DPP6: variants seen among roughly 807,000 people sequenced by gnomAD.
DPP6 encodes the protein A-type potassium channel modulatory protein DPP6.
Under a neutral mutation model 122.6 loss-of-function variants are expected in DPP6, and 69 were observed. The observed-to-expected ratio is 0.56, with a 90% CI of 0.46 to 0.69. The LOEUF (loss-of-function observed/expected upper bound fraction) is 0.69. Ranked by LOEUF, DPP6 falls within the 30% of genes least tolerant of loss-of-function variation. DPP6 has a pLI of 0.00. For missense variants in DPP6, 928 were observed against 1,116.9 expected (o/e 0.83, Z 2.41); for synonymous variants, 418 against 433.1 (o/e 0.97, Z 0.43).
At chr7:154,151,261 C>A (rs1024565845) in intron 1 of DPP6, among the ~76,000 whole-genome samples, 2 of 152,180 alleles carry the variant, frequency 1.3e-5, no homozygotes, top group African/African-American at 2.4e-5. Flanking sequence ...CCTCTCCCAT[C>A]CATCCAGGTC....
the DPP6 span, among the ~76,000 whole-genome samples, chr7:153,797,327 A>G: frequency 6.6e-6 from 1 of 152,212 alleles, no homozygotes; most frequent in Non-Finnish European, 1.5e-5. Context: ...TGAAGGAAGA[A>G]GAGGAGAAGA....
intron 5 of DPP6, among the ~76,000 whole-genome samples, chr7:154,611,707 A>T (rs1383987085): frequency 6.6e-6 from 1 of 152,228 alleles, no homozygotes; most frequent in South Asian, 2.1e-4. Context: ...ACTCACATGC[A>T]ATTTTAAGAA....
At chr7:154,016,013 A>G (rs1798390648) in intron 1 of DPP6, among the ~76,000 whole-genome samples, 1 of 152,178 alleles carries the variant, frequency 6.6e-6, no homozygotes, top group South Asian at 2.1e-4. Context: ...TGCTCTGGCC[A>G]TATCGGCCCA....
intron 1 of DPP6, among the ~76,000 whole-genome samples, chr7:154,172,859 C>T (rs923432919): frequency 6.6e-6 from 1 of 152,234 alleles, no homozygotes; most frequent in South Asian, 2.1e-4. Flanking sequence ...CCTCAGCCTC[C>T]CAAATTGCTG....
the DPP6 span, among the ~76,000 whole-genome samples, chr7:153,831,606 T>G: frequency 6.6e-6 from 1 of 152,356 alleles, no homozygotes; most frequent in Non-Finnish European, 1.5e-5. Flanking sequence ...CACAGTAATA[T>G]GTAAGCTATT....
intron 1 of DPP6, among the ~76,000 whole-genome samples, chr7:154,426,172 C>G (rs1345239498): frequency 6.6e-6 from 1 of 152,172 alleles, no homozygotes; most frequent in African/African-American, 2.4e-5. Flanking sequence ...TACTCCAGCT[C>G]TTTACCCAGC....
intron 1 of DPP6, among the ~76,000 whole-genome samples, chr7:154,010,017 A>C (rs138373944): frequency 0.018 from 2,771 of 152,232 alleles, 43 homozygotes; most frequent in African/African-American, 0.063. Context: ...TAGTTGCTAT[A>C]ATGCCCAGCT....
At chr7:153,749,683 A>G in the DPP6 span, among the ~76,000 whole-genome samples, 2 of 152,094 alleles carry the variant, frequency 1.3e-5, no homozygotes, top group African/African-American at 4.8e-5. This position sits in a 1 kb window ranked among gnomAD's most constrained non-coding sequence, Gnocchi z 4.1. Context: ...CGGATTTCGC[A>G]CGGATCCTGT....
At chr7:154,828,008 G>C (rs527449407) in intron 16 of DPP6, among the ~76,000 whole-genome samples, 4 of 152,186 alleles carry the variant, frequency 2.6e-5, no homozygotes, top group African/African-American at 9.7e-5. Flanking sequence ...GGAACTGGGG[G>C]GAGTGGAGTG....
the DPP6 span, among the ~76,000 whole-genome samples, chr7:153,790,415 A>C: frequency 6.6e-6 from 1 of 152,222 alleles, no homozygotes; most frequent in Non-Finnish European, 1.5e-5. Context: ...TAAACTGGCA[A>C]TTATATGACA....
intron 1 of DPP6, among the ~76,000 whole-genome samples, chr7:154,322,940 A>C (rs1808104068): frequency 6.6e-6 from 1 of 152,170 alleles, no homozygotes; most frequent in African/African-American, 2.4e-5. Flanking sequence ...ATGTGTGTGA[A>C]AGTTCATTAT....
At chr7:154,340,484 C>T (rs1416802821) in intron 1 of DPP6, among the ~76,000 whole-genome samples, 2 of 152,218 alleles carry the variant, frequency 1.3e-5, no homozygotes, top group South Asian at 2.1e-4. Context: ...TCTTCACCTT[C>T]GCTCAGGTTT....
intron 16 of DPP6, among the ~76,000 whole-genome samples, chr7:154,810,101 C>T (rs1217301874): frequency 2.0e-5 from 3 of 152,226 alleles, no homozygotes. Flanking sequence ...AATGTTCCAC[C>T]TGCCTTGGCC....
At chr7:154,747,599 C>T (rs1247232172) in intron 8 of DPP6, among the ~76,000 whole-genome samples, 2 of 152,118 alleles carry the variant, frequency 1.3e-5, no homozygotes, top group African/African-American at 4.8e-5. Flanking sequence ...ACTAGGCACT[C>T]GCGAAGTGTA....
At chr7:153,929,305 G>A (rs555501286) in intron 1 of DPP6, among the ~76,000 whole-genome samples, 1 of 152,292 alleles carries the variant, frequency 6.6e-6, no homozygotes, top group Admixed American at 6.5e-5. Flanking sequence ...TGAGACATGA[G>A]GATGGGCCAA....
the DPP6 span, among the ~76,000 whole-genome samples, chr7:153,798,348 T>G: frequency 6.6e-6 from 1 of 152,320 alleles, no homozygotes; most frequent in Middle Eastern, 3.4e-3. Context: ...ATTGGTTCTT[T>G]GGTTTTCCCT....
intron 1 of DPP6, among the ~76,000 whole-genome samples, chr7:154,180,523 TATAG>T (rs1798029406): frequency 4.2e-5 from 6 of 143,512 alleles, no homozygotes; most frequent in African/African-American, 1.3e-4. Context: ...TATATAAATA[TATAG>T]AGAGTATATA....
intron 1 of DPP6, among the ~76,000 whole-genome samples, chr7:153,990,224 T>G (rs1476129006): frequency 1.4e-5 from 1 of 72,660 alleles, no homozygotes; most frequent in African/African-American, 5.2e-5. Flanking sequence ...AGCCCCACCC[T>G]CTTCCAGCCC....
intron 3 of DPP6, among the ~76,000 whole-genome samples, chr7:154,480,435 C>T (rs1216999858): frequency 1.3e-5 from 2 of 152,172 alleles, no homozygotes; most frequent in East Asian, 1.9e-4. Context: ...TTCTCAGACC[C>T]CAACTTATTT....
Sources: gnomAD v4.1 joint callset for allele counts (sites outside exome capture counted in the v4.1 genomes callset) on GRCh38, gnomAD v4.1.1 for gene constraint, Gnocchi (gnomAD v3.1) non-coding constraint, MANE v1.5 for transcripts, NCBI Gene and HGNC (gene_info 2026-07-23, HGNC 2026-07-21) for gene names.